The following ATP8B2 variants were observed in gnomAD, a reference collection of about 807,000 sequenced individuals.
The protein encoded by ATP8B2 is ATPase phospholipid transporting 8B2.
ATP8B2 carries 70 observed loss-of-function variants against 133.4 expected under a neutral mutation model. The observed-to-expected ratio is 0.52, with a 90% CI of 0.43 to 0.64. The LOEUF is 0.64. Among genes scored for constraint, ATP8B2 ranks in the 30% least tolerant of loss-of-function variants. ATP8B2 has a pLI of 0.00. For synonymous variants in ATP8B2, 517 were observed against 589.5 expected (o/e 0.88, Z 1.78); for missense variants, 1,101 against 1,535.7 (o/e 0.72, Z 4.73).
Position 154,346,168 on chromosome 1 carries a change from G to A in ATP8B2, c.2779-63G>A, listed in dbSNP as rs1398144084. On this transcript the variant is annotated intron_variant, in intron 24 of 27. Transcript: ENST00000368489. This position sits in a 1 kb window ranked among gnomAD's most constrained non-coding sequence, Gnocchi z 4.5. ...AGGGACAGAGTCAGAGTCTGCCCTT[G>A]GTCATCCAGGGTCAAAACGGCAACC... is the stretch of plus-strand genomic sequence containing the variant. 27 of 1,577,424 alleles carry A rather than the reference G, an allele frequency of 1.7e-5. No individual in the cohort carries two copies. Among genetic ancestry groups the A allele is most frequent in the Non-Finnish European group, 2.2e-5 (26 of 1,159,462 alleles).
At chr1:154,336,438 G>A (rs1686182451) in intron 11 of ATP8B2, among the ~76,000 whole-genome samples, 1 of 148,804 alleles carries the variant, frequency 6.7e-6, no homozygotes, top group South Asian at 2.1e-4. Context: ...ATTAACAATA[G>A]CTGATAAGCT....
intron 3 of ATP8B2, 145 bp from the exon 4 acceptor site, chr1:154,330,670 C>T: frequency 3.9e-6 from 3 of 779,066 alleles, no homozygotes; most frequent in South Asian, 1.7e-5. Context: ...ACTCCCTTCT[C>T]TCCTCCTCTT....
chr1:154,334,620 C>G lies in ATP8B2; in HGVS notation c.837+29C>G, dbSNP rs1277033416. 3 of 1,583,388 alleles carry G rather than the reference C, an allele frequency of 1.9e-6. No homozygotes were observed. Among genetic ancestry groups the G allele is most frequent in the African/African-American group, 2.7e-5 (2 of 74,342 alleles). On this transcript the variant is annotated intron_variant, in intron 11 of 27. Coordinates refer to ENST00000368489, the MANE Select transcript of ATP8B2 (RefSeq NM_001370597.1). The surrounding 1 kb of genome is among the most constrained non-coding windows in gnomAD (Gnocchi z 4.6). ...AGGCGCCCCACATCTGGCTCCCTGC[C>G]CCTGCCCTCTCTTCTCCTTGGGTGC...
At position 154,340,210 on chromosome 1, in the gene ATP8B2, G is replaced by A. The variant is rs535877139; in HGVS notation, c.1035-644G>A. Among the ~76,000 whole-genome samples, 37 of 152,296 alleles carry A rather than the reference G, an allele frequency of 2.4e-4. No homozygotes were observed. Among genetic ancestry groups the A allele is most frequent in the Non-Finnish European group, 4.9e-4 (33 of 68,018 alleles). On this transcript the variant is annotated intron_variant, in intron 12 of 27. Coordinates refer to ENST00000368489, the MANE Select transcript of ATP8B2 (RefSeq NM_001370597.1). This position sits in a 1 kb window ranked among gnomAD's most constrained non-coding sequence, Gnocchi z 4.0. ...ACAAGCAAACAACAACCACCACAAT[G>A]CGCTGTGCCATTGTGAAGTGGTGGT...
At chr1:154,348,742 C>G (rs112342972) in intron 27 of ATP8B2, 98 bp from the exon 28 acceptor site, 15 of 1,422,122 alleles carry the variant, frequency 1.1e-5, no homozygotes, top group Middle Eastern at 1.9e-4. Context: ...TCGGAGGCCT[C>G]TGTGTCAGCC....
Position 154,331,778 on chromosome 1 carries a change from T to C in ATP8B2, c.438+100T>C, listed in dbSNP as rs1188725172. ...TTTACTGTTGCCTCTTAAACACCCG[T>C]GGCAGGAATCTTTCTCACACCAGGG... is the stretch of plus-strand genomic sequence containing the variant. On this transcript the variant is annotated intron_variant, in intron 7 of 27. Transcript: ENST00000368489. This position sits in a 1 kb window ranked among gnomAD's most constrained non-coding sequence, Gnocchi z 4.8. The C allele has an allele frequency of 1.4e-6, 2 of 1,402,922 alleles. No homozygotes were observed. Among genetic ancestry groups the C allele is most frequent in the South Asian group, 1.2e-5 (1 of 86,414 alleles). 86.9% of individuals were successfully genotyped at this position (1,402,922 alleles called of 1,614,324 possible).
Position 154,331,052 on chromosome 1 carries a change from T to G in ATP8B2, c.209T>G (p.Ile70Ser), listed in dbSNP as rs765111574. The G allele has an allele frequency of 6.2e-7, 1 of 1,613,672 alleles. No individual in the cohort carries two copies. Among genetic ancestry groups the G allele is most frequent in the Admixed American group, 1.7e-5 (1 of 60,004 alleles). ...YFLFLLILQLIPQISSLSWFT... is the reference protein window; with the variant it reads ...YFLFLLILQLSPQISSLSWFT... ...ACTTCTCTTTCTTTTTTTCAGTTGA[T>G]CCCCCAGATCTCTTCCCTGTCCTGG... is the stretch of plus-strand genomic sequence containing the variant. Residue 70 changes from isoleucine (I) to serine (S), a missense_variant, in exon 5 of 28, where the codon ATC becomes AGC. Ile to Ser is a moderately radical substitution (Grantham distance 142, BLOSUM62 -2). Coordinates refer to ENST00000368489, the MANE Select transcript of ATP8B2 (RefSeq NM_001370597.1). The surrounding 1 kb of genome is among the most constrained non-coding windows in gnomAD (Gnocchi z 4.8).
At position 154,340,770 on chromosome 1, in the gene ATP8B2, C is replaced by T. The variant is rs928657618; in HGVS notation, c.1035-84C>T. 69 of 1,291,272 alleles carry T rather than the reference C, an allele frequency of 5.3e-5. No homozygotes were observed. Among genetic ancestry groups the T allele is most frequent in the South Asian group, 1.1e-4 (9 of 80,872 alleles). The allele number at this position is 1,291,272 out of a possible 1,614,324, so 80.0% of individuals were successfully genotyped here. ...TTCTCCGTTCTTGTCTCTCCCCAGG[C>T]GGAGGGCCTGCAGCGAAGGCCCATG... On this transcript the variant is annotated intron_variant, in intron 12 of 27. Coordinates refer to ENST00000368489, the MANE Select transcript of ATP8B2 (RefSeq NM_001370597.1). This position sits in a 1 kb window ranked among gnomAD's most constrained non-coding sequence, Gnocchi z 4.0.
intron 3 of ATP8B2, 176 bp downstream of exon 3, chr1:154,330,630 A>G: frequency 2.6e-6 from 2 of 757,282 alleles, no homozygotes; most frequent in Non-Finnish European, 4.4e-6. Context: ...TTCACCTGTC[A>G]GTGAAGCAGA....
chr1:154,345,839 G>A lies in ATP8B2; in HGVS notation c.2734G>A (p.Val912Met). The A allele has an allele frequency of 1.9e-6, 3 of 1,613,792 alleles. No individual in the cohort carries two copies. The highest frequency in any genetic ancestry group is 2.5e-6 in the Non-Finnish European group (3 of 1,179,720). ...GTATTTCATCACCCTGTATAACATC[G>A]TGTACACCTCCCTGCCAGTCCTGGC... is the stretch of plus-strand genomic sequence containing the variant. Reference protein sequence around the residue: ...DQYFITLYNIVYTSLPVLAMG... With the variant: ...DQYFITLYNIMYTSLPVLAMG... Residue 912 changes from valine (V) to methionine (M), a missense_variant, in exon 24 of 28, where the codon GTG becomes ATG. Coordinates refer to ENST00000368489, the MANE Select transcript of ATP8B2 (RefSeq NM_001370597.1). This position sits in a 1 kb window ranked among gnomAD's most constrained non-coding sequence, Gnocchi z 5.6.
At chr1:154,337,853 T>C in intron 12 of ATP8B2, 1 of 1,018,402 alleles carries the variant, frequency 9.8e-7, no homozygotes, top group African/African-American at 1.6e-5. Context: ...GGAATGGATC[T>C]CCTTCCTTCT....
chr1:154,349,176 T>A lies in ATP8B2; in HGVS notation c.*58T>A. The A allele has an allele frequency of 6.4e-7, 1 of 1,574,684 alleles. No individual in the cohort carries two copies. The highest frequency in any genetic ancestry group is 1.2e-5 in the South Asian group (1 of 86,888). ...AGAGCACCCAGGGCTGGCCAGTCAC[T>A]GAGGGAACAGCGTCTCGGAACTGCT... is the stretch of plus-strand genomic sequence containing the variant. On this transcript the variant is annotated 3_prime_UTR_variant, in exon 28 of 28. Transcript: ENST00000368489.
At chr1:154,338,408 T>C (rs1368535030) in intron 12 of ATP8B2, among the ~76,000 whole-genome samples, 1 of 152,182 alleles carries the variant, frequency 6.6e-6, no homozygotes, top group Admixed American at 6.5e-5. Flanking sequence ...ACACCTGTAA[T>C]CCCAGCACTT....
At position 154,342,510 on chromosome 1, in the gene ATP8B2, C is replaced by T. The variant is rs1310020935; in HGVS notation, c.1274C>T (p.Ala425Val). The part of the protein sequence containing the change: ...GDVFDVLGHK[A>V]ELGERPEPVD... ...GTGTTTGACGTCCTGGGACACAAAG[C>T]TGAATTGGGAGAGGTAAGATTCAGT... The change falls in exon 14 of 28, where the codon GCT (alanine) becomes GTT (valine). Residue 425 changes from alanine (A) to valine (V), a missense_variant. By Grantham distance (64) the Ala-to-Val change is moderately conservative (BLOSUM62 0). Transcript: ENST00000368489. 3.7e-6 allele frequency: 6 copies of T among 1,613,726 alleles called. No individual in the cohort carries two copies. The highest frequency in any genetic ancestry group is 5.1e-6 in the Non-Finnish European group (6 of 1,179,816).
At chr1:154,329,856 C>T (rs1013215504) in intron 2 of ATP8B2, among the ~76,000 whole-genome samples, 1 of 152,086 alleles carries the variant, frequency 6.6e-6, no homozygotes, top group African/African-American at 2.4e-5. Flanking sequence ...ACCAGAGGCT[C>T]CTGTAGGGGG....
rs1271565227 is a variant in ATP8B2 at position 154,348,418 on chromosome 1, G to C, written c.3174G>C (p.Gln1058His). The C allele has an allele frequency of 6.2e-7, 1 of 1,607,940 alleles. No individual in the cohort carries two copies. The highest frequency in any genetic ancestry group is 8.5e-7 in the Non-Finnish European group (1 of 1,175,152). The change falls in exon 27 of 28, where the codon CAG (glutamine) becomes CAC (histidine). Residue 1058 changes from glutamine to histidine, a missense_variant. By Grantham distance (24) the Gln-to-His change is conservative. Coordinates refer to ENST00000368489, the MANE Select transcript of ATP8B2 (RefSeq NM_001370597.1). Reference sequence around the variant, plus strand: ...CCTCTTCATCCCCAGGGAATGCCCAGAACACCTTGGCCCAGCCCACGGTGT... The same window carrying C: ...CCTCTTCATCCCCAGGGAATGCCCACAACACCTTGGCCCAGCCCACGGTGT... ...PNQFRFVGNA[Q>H]NTLAQPTVWL...
At chr1:154,348,021 C>CA (rs1553297552) in intron 26 of ATP8B2, among the ~76,000 whole-genome samples, 11 of 20,282 alleles carry the variant, frequency 5.4e-4, no homozygotes, top group African/African-American at 6.7e-4. Context: ...TAAAAAACAA[C>CA]AAAAAAAAAA....
chr1:154,348,697 G>A (rs1463357816), intron 27 of ATP8B2, 143 bp from the exon 28 acceptor site: 7 of 1,379,654 alleles, frequency 5.1e-6, no homozygotes, highest in Non-Finnish European at 6.7e-6. Context: ...TGGCCACAGA[G>A]GCCTCTGCGT....
rs1234385985 is a variant in ATP8B2 at position 154,332,668 on chromosome 1, G to A, written c.560G>A (p.Gly187Glu). 6 of 1,584,912 alleles carry A rather than the reference G, an allele frequency of 3.8e-6. No individual in the cohort carries two copies. Among genetic ancestry groups the A allele is most frequent in the Non-Finnish European group, 5.2e-6 (6 of 1,164,234 alleles). ...GCGATTCCAGTCACCTCAGAATTGGGAGACATCAGTAAGCTTGCCAAGTTT... is the reference window on the plus strand; with the variant it reads ...GCGATTCCAGTCACCTCAGAATTGGAAGACATCAGTAAGCTTGCCAAGTTT... ...RQAIPVTSEL[G>E]DISKLAKFDG... Residue 187 changes from glycine (G) to glutamate (E), a missense_variant, in exon 9 of 28, where the codon GGA (glycine) becomes GAA (glutamate). Gly to Glu is a moderately conservative substitution (Grantham distance 98, BLOSUM62 -2). Coordinates refer to ENST00000368489, the MANE Select transcript of ATP8B2 (RefSeq NM_001370597.1).
Sources: gnomAD v4.1 joint callset for allele counts (sites outside exome capture counted in the v4.1 genomes callset) on GRCh38, gnomAD v4.1.1 for gene constraint, Gnocchi (gnomAD v3.1) non-coding constraint, MANE v1.5 for transcripts, NCBI Gene and HGNC (gene_info 2026-07-23, HGNC 2026-07-21) for gene names.